The following VANGL2 variants were observed in gnomAD, a reference collection of about 807,000 sequenced individuals.
The protein encoded by VANGL2 is VANGL planar cell polarity protein 2, also known as vang-like protein 2.
A neutral mutation model predicts 50.2 loss-of-function variants in VANGL2; 14 were observed. That is an observed-to-expected ratio of 0.28 (90% CI 0.18 to 0.44). VANGL2 has a LOEUF of 0.44. Ranked by LOEUF, VANGL2 falls within the 20% of genes least tolerant of loss-of-function variation. VANGL2 has a pLI of 1.00. For missense variants in VANGL2, 533 were observed against 701.5 expected (o/e 0.76, Z 2.71); for synonymous variants, 295 against 297.2 (o/e 0.99, Z 0.08).
Position 160,425,736 on chromosome 1 carries a change from C to T in VANGL2, c.*358C>T, listed in dbSNP as rs1156759234. On this transcript the variant is annotated 3_prime_UTR_variant, in exon 8 of 8. Transcript: ENST00000368061. ...CAGGGCCCTGCTGATTGTACTTTCC[C>T]CTCCTGAGCCCCGACTCACAAATCC... 5.0e-6 allele frequency: 1 copy of T among 201,102 alleles called. No homozygotes were observed. Among genetic ancestry groups the T allele is most frequent in the Admixed American group, 5.3e-5 (1 of 18,986 alleles). The allele number at this position is 201,102 out of a possible 1,614,324, so 12.5% of individuals were successfully genotyped here. A position where few individuals can be genotyped will look rare whatever the true frequency, so the allele number is the denominator to read the frequency against.
intron 1 of VANGL2, among the ~76,000 whole-genome samples, chr1:160,406,027 T>A (rs1415685970): frequency 6.6e-6 from 1 of 152,206 alleles, no homozygotes; most frequent in Admixed American, 6.5e-5. Flanking sequence ...GGAACTAACA[T>A]TTTTTTAAGC....
At position 160,415,823 on chromosome 1, in the gene VANGL2, C is replaced by T. The variant is rs1171070523; in HGVS notation, c.-15C>T. On this transcript the variant is annotated 5_prime_UTR_variant, in exon 2 of 8. Coordinates refer to ENST00000368061, the MANE Select transcript of VANGL2 (RefSeq NM_020335.3). ...TGCGGCCCTGGAGCGCTACAAGGCG[C>T]GGCGTTCAGACGCCATGGACACCGA... 7.4e-6 allele frequency: 12 copies of T among 1,611,112 alleles called. No homozygotes were observed. Among genetic ancestry groups the T allele is most frequent in the Non-Finnish European group, 1.0e-5 (12 of 1,179,016 alleles).
intron 1 of VANGL2, among the ~76,000 whole-genome samples, chr1:160,413,530 G>A (rs1300245995): frequency 2.0e-5 from 3 of 152,092 alleles, no homozygotes; most frequent in Non-Finnish European, 4.4e-5. Flanking sequence ...CTAAAGTGCT[G>A]GGATTACAGG....
intron 1 of VANGL2, among the ~76,000 whole-genome samples, chr1:160,407,838 G>T (rs1338619135): frequency 2.0e-5 from 3 of 152,320 alleles, no homozygotes; most frequent in Non-Finnish European, 4.4e-5. Flanking sequence ...CTCTGCCTAG[G>T]CCAAGGGAGG....
At chr1:160,404,528 C>T (rs1026472232) in intron 1 of VANGL2, among the ~76,000 whole-genome samples, 6 of 152,142 alleles carry the variant, frequency 3.9e-5, no homozygotes, top group Admixed American at 1.3e-4. Flanking sequence ...TGCACCATCC[C>T]GAAACAAAAC....
At position 160,419,675 on chromosome 1, in the gene VANGL2, A is replaced by G; in HGVS notation, c.800+66A>G. The G allele has an allele frequency of 1.3e-6, 2 of 1,566,190 alleles. No homozygotes were observed. Among genetic ancestry groups the G allele is most frequent in the Non-Finnish European group, 8.6e-7 (1 of 1,164,502 alleles). ...CATGGGAGGATGTGGAGTGACTGCT[A>G]GGGTGGGAGGGTATGATGGTGGGCT... is the stretch of plus-strand genomic sequence containing the variant. On this transcript the variant is annotated intron_variant, in intron 4 of 7. Transcript: ENST00000368061. This position sits in a 1 kb window ranked among gnomAD's most constrained non-coding sequence, Gnocchi z 5.8.
At chr1:160,405,042 T>C (rs1291586534) in intron 1 of VANGL2, among the ~76,000 whole-genome samples, 6 of 152,152 alleles carry the variant, frequency 3.9e-5, no homozygotes, top group Non-Finnish European at 8.8e-5. Context: ...TTATTGCCTC[T>C]TCTCAGGGTC....
rs1482507447 is a variant in VANGL2 at position 160,415,893 on chromosome 1, G to A, written c.56G>A (p.Ser19Asn). Residue 19 changes from serine (S) to asparagine (N), a missense_variant, in exon 2 of 8, where the codon AGC becomes AAC. Coordinates refer to ENST00000368061, the MANE Select transcript of VANGL2 (RefSeq NM_020335.3). ...TCCTACAAGTCGGGCCACTCCCGCA[G>A]CTCCCGCAAGCACAGGTGGGCAGGC... ...GYSYKSGHSRSSRKHRDRRDR... is the reference protein window; with the variant it reads ...GYSYKSGHSRNSRKHRDRRDR... 6.2e-7 allele frequency: 1 copy of A among 1,614,068 alleles called. No individual in the cohort carries two copies. The highest frequency in any genetic ancestry group is 2.2e-5 in the East Asian group (1 of 44,886).
chr1:160,412,057 C>G (rs758657917), intron 1 of VANGL2, among the ~76,000 whole-genome samples: 6 of 152,190 alleles, frequency 3.9e-5, no homozygotes, highest in Admixed American at 1.3e-4. Flanking sequence ...TTCTTTCACC[C>G]TCGTGATCCT....
intron 1 of VANGL2, among the ~76,000 whole-genome samples, chr1:160,403,136 C>G (rs558023861): frequency 1.5e-5 from 2 of 130,544 alleles, no homozygotes; most frequent in Non-Finnish European, 3.3e-5. Flanking sequence ...AGGAAAAGAC[C>G]TTTAAAAGAC....
intron 1 of VANGL2, among the ~76,000 whole-genome samples, chr1:160,408,933 A>T (rs1341686514): frequency 6.6e-6 from 1 of 152,188 alleles, no homozygotes; most frequent in Non-Finnish European, 1.5e-5. Context: ...GCCTCTCTGG[A>T]TGGGTGGCTT....
chr1:160,409,169 C>T (rs1650790209), intron 1 of VANGL2, among the ~76,000 whole-genome samples: 1 of 152,184 alleles, frequency 6.6e-6, no homozygotes, highest in East Asian at 1.9e-4. Flanking sequence ...TGTGGCTACT[C>T]AAGGAACCAG....
At chr1:160,416,882 C>G (rs527647302) in intron 3 of VANGL2, among the ~76,000 whole-genome samples, 1 of 152,266 alleles carries the variant, frequency 6.6e-6, no homozygotes, top group Non-Finnish European at 1.5e-5. Context: ...TTGGGATCAT[C>G]TTTGGGGGCT....
chr1:160,421,730 G>T (rs981765348), intron 6 of VANGL2, among the ~76,000 whole-genome samples: 1 of 152,160 alleles, frequency 6.6e-6, no homozygotes, highest in African/African-American at 2.4e-5. Context: ...CTAATGAGGG[G>T]ATGGGAGTCT....
At chr1:160,413,344 G>GCA (rs1337646676) in intron 1 of VANGL2, among the ~76,000 whole-genome samples, 1 of 149,818 alleles carries the variant, frequency 6.7e-6, no homozygotes, top group East Asian at 1.9e-4. Flanking sequence ...GTAGTGGCAT[G>GCA]ATCTCGGCTC....
rs753727326 is a variant in VANGL2, at chr1:160,425,135, C to T, written c.1323C>T (p.Tyr441=). 49 of 1,613,984 alleles carry T rather than the reference C, an allele frequency of 3.0e-5. No homozygotes were observed. The highest frequency in any genetic ancestry group is 4.1e-5 in the Non-Finnish European group (48 of 1,180,020). The change falls in exon 8 of 8, where the codon TAC becomes TAT. Residue 441 remains tyrosine, a synonymous_variant. Coordinates refer to ENST00000368061, the MANE Select transcript of VANGL2 (RefSeq NM_020335.3). ...CACTTCAGGCCTTCTTGGAGCGATA[C>T]TTGGCGGCTGGACCTACCATCCAGT... ...DMTPKAFLER[Y]LAAGPTIQYH...
At chr1:160,418,148 C>T (rs1453446830) in intron 3 of VANGL2, among the ~76,000 whole-genome samples, 2 of 151,984 alleles carry the variant, frequency 1.3e-5, no homozygotes, top group African/African-American at 2.4e-5. Flanking sequence ...CTCGAACTCC[C>T]GACCTCAGGC....
chr1:160,415,931 A>G, intron 2 of VANGL2, 23 bp downstream of exon 2: 1 of 1,614,164 alleles, frequency 6.2e-7, no homozygotes, highest in Non-Finnish European at 8.5e-7. Flanking sequence ...GCAGGGTGAC[A>G]TGCGTGGCGG....
intron 6 of VANGL2, among the ~76,000 whole-genome samples, chr1:160,423,541 C>T (rs1054842366): frequency 2.0e-5 from 3 of 152,082 alleles, no homozygotes; most frequent in Admixed American, 6.5e-5. Context: ...GGTTTCCTGT[C>T]TTTTTCTTCT....
Sources: allele counts gnomAD v4.1 joint callset (sites outside exome capture counted in the v4.1 genomes callset), GRCh38; gene constraint gnomAD v4.1.1; non-coding constraint Gnocchi (gnomAD v3.1); transcripts MANE v1.5; gene names NCBI Gene and HGNC (gene_info 2026-07-23, HGNC 2026-07-21).